Variants in IL1RAPL2 observed in about 807,000 individuals in gnomAD.
IL1RAPL2 encodes interleukin 1 receptor accessory protein like 2.
IL1RAPL2 carries 3 observed loss-of-function variants against 44.1 expected under a neutral mutation model. The ratio of observed to expected loss-of-function variants is 0.07; its 90% CI spans 0.03 to 0.18. IL1RAPL2 has a LOEUF of 0.18. Ranked by LOEUF, IL1RAPL2 falls within the 10% of genes least tolerant of loss-of-function variation. The pLI is 1.00. For synonymous variants in IL1RAPL2, 181 were observed against 178.8 expected (o/e 1.01, Z -0.10); for missense variants, 391 against 496.4 (o/e 0.79, Z 2.02).
At chrX:104,999,739 T>C (rs959880553) in intron 2 of IL1RAPL2, among the ~76,000 whole-genome samples, 6 of 111,393 alleles carry the variant, frequency 5.4e-5, no homozygotes, top group Admixed American at 1.9e-4. Context: ...TGTGACTACA[T>C]GAAAACCAGA....
At chrX:104,709,956 A>AT (rs1184974935) in intron 2 of IL1RAPL2, among the ~76,000 whole-genome samples, 2 of 111,017 alleles carry the variant, frequency 1.8e-5, no homozygotes, top group African/African-American at 6.5e-5. Flanking sequence ...TTTCACATCT[A>AT]TTTGTATAGC....
intron 5 of IL1RAPL2, among the ~76,000 whole-genome samples, chrX:105,329,748 G>A (rs1340006175): frequency 9.0e-6 from 1 of 111,041 alleles, no homozygotes; most frequent in Non-Finnish European, 1.9e-5. Flanking sequence ...TGAGATAGAT[G>A]TTGTAAGTGT....
intron 6 of IL1RAPL2, among the ~76,000 whole-genome samples, chrX:105,655,870 T>C (rs983993732): frequency 8.9e-5 from 10 of 111,823 alleles, no homozygotes; most frequent in Non-Finnish European, 1.5e-4. Context: ...ATTTATGGAG[T>C]AAATGAGATG....
chrX:105,257,712 T>C (rs2034326841), intron 4 of IL1RAPL2, among the ~76,000 whole-genome samples: 1 of 112,614 alleles, frequency 8.9e-6, no homozygotes, highest in Admixed American at 9.4e-5. Context: ...TTAATCTTTG[T>C]TGGTTTGAAA....
chrX:104,862,215 C>T (rs1004409468), intron 2 of IL1RAPL2, among the ~76,000 whole-genome samples: 6 of 111,019 alleles, frequency 5.4e-5, no homozygotes, highest in Admixed American at 1.9e-4. Context: ...AAGATCTGAA[C>T]TTCATTTTGA....
chrX:104,954,007 AAGTGTCCAGGGAC>A (rs775055289), intron 2 of IL1RAPL2, among the ~76,000 whole-genome samples: 388 of 112,053 alleles, frequency 3.5e-3, no homozygotes, highest in African/African-American at 0.012. Flanking sequence ...TAGAAATCAA[AAGTGTCCAGGGAC>A]AGTTATGCTG....
At chrX:105,001,519 C>T (rs1285386633) in intron 2 of IL1RAPL2, among the ~76,000 whole-genome samples, 1 of 111,369 alleles carries the variant, frequency 9.0e-6, no homozygotes, top group Admixed American at 9.6e-5. Flanking sequence ...GGAGGCTCAA[C>T]CTGCTTTATC....
At chrX:104,851,302 A>G (rs891954934) in intron 2 of IL1RAPL2, among the ~76,000 whole-genome samples, 1 of 112,227 alleles carries the variant, frequency 8.9e-6, no homozygotes, top group African/African-American at 3.2e-5. Context: ...CAAACAAAAT[A>G]TTAAAACAGG....
chrX:105,370,421 T>A (rs1353499164), intron 5 of IL1RAPL2, among the ~76,000 whole-genome samples: 3 of 111,560 alleles, frequency 2.7e-5, no homozygotes, highest in Non-Finnish European at 3.8e-5. Context: ...GTTCCCTTTT[T>A]TTGTGTCCAT....
At chrX:104,933,507 A>G (rs1924957126) in intron 2 of IL1RAPL2, among the ~76,000 whole-genome samples, 1 of 111,789 alleles carries the variant, frequency 8.9e-6, no homozygotes, top group Non-Finnish European at 1.9e-5. Context: ...AGAGGAGAAG[A>G]CATGAATGTG....
intron 6 of IL1RAPL2, among the ~76,000 whole-genome samples, chrX:105,706,041 C>G (rs904078564): frequency 2.7e-5 from 3 of 110,463 alleles, no homozygotes; most frequent in Non-Finnish European, 5.7e-5. Flanking sequence ...TTTATAGAAG[C>G]TTATAAAGGA....
chrX:104,634,489 G>T (rs891945069), intron 1 of IL1RAPL2, among the ~76,000 whole-genome samples: 1 of 111,462 alleles, frequency 9.0e-6, no homozygotes, highest in Non-Finnish European at 1.9e-5. Context: ...ATGTCTCTTT[G>T]TAGGTCTCTA....
intron 6 of IL1RAPL2, among the ~76,000 whole-genome samples, chrX:105,520,166 A>G (rs2036544875): frequency 9.0e-6 from 1 of 111,603 alleles, no homozygotes; most frequent in Non-Finnish European, 1.9e-5. Flanking sequence ...AGAACCCATT[A>G]ATCCCATTAG....
chrX:104,734,764 A>C (rs1931983727), intron 2 of IL1RAPL2, among the ~76,000 whole-genome samples: 1 of 111,840 alleles, frequency 8.9e-6, no homozygotes, highest in Non-Finnish European at 1.9e-5. Context: ...CTATATAACA[A>C]AAAGTCAATT....
intron 2 of IL1RAPL2, among the ~76,000 whole-genome samples, chrX:104,871,476 G>A (rs1004856432): frequency 2.7e-5 from 3 of 111,511 alleles, no homozygotes; most frequent in Non-Finnish European, 5.7e-5. Flanking sequence ...TTATCTTGTT[G>A]ATGTTTAAGT....
intron 2 of IL1RAPL2, among the ~76,000 whole-genome samples, chrX:104,686,435 CAGA>C (rs1360079164): frequency 9.0e-6 from 1 of 111,460 alleles, no homozygotes; most frequent in African/African-American, 3.3e-5. Context: ...CCAATAATTC[CAGA>C]AGAAGGGCAT....
intron 1 of IL1RAPL2, among the ~76,000 whole-genome samples, chrX:104,583,425 G>A (rs912353877): frequency 1.8e-4 from 20 of 111,154 alleles, no homozygotes; most frequent in African/African-American, 6.2e-4. Flanking sequence ...CCAGACTTAC[G>A]CAACCATTAA....
intron 7 of IL1RAPL2, among the ~76,000 whole-genome samples, chrX:105,732,327 G>T (rs7887781): frequency 0.044 from 4,875 of 110,816 alleles, 281 homozygotes; most frequent in African/African-American, 0.15. Context: ...TGTTGGAGGT[G>T]GGGCTGGTGG....
chrX:105,027,934 C>A (rs942167857), intron 2 of IL1RAPL2, among the ~76,000 whole-genome samples: 1 of 111,742 alleles, frequency 8.9e-6, no homozygotes, highest in Non-Finnish European at 1.9e-5. Flanking sequence ...ACTTAAGTGT[C>A]CATCAGCAGG....
Sources: gnomAD v4.1 joint callset for allele counts (sites outside exome capture counted in the v4.1 genomes callset) on GRCh38, gnomAD v4.1.1 for gene constraint, MANE v1.5 for transcripts, NCBI Gene and HGNC (gene_info 2026-07-23, HGNC 2026-07-21) for gene names.